BCL11A: variants seen among roughly 807,000 people sequenced by gnomAD.
BCL11A encodes BCL11 transcription factor A.
Under a neutral mutation model 55.9 loss-of-function variants are expected in BCL11A, and 2 were observed. The ratio of observed to expected loss-of-function variants is 0.04; its 90% CI spans 0.01 to 0.11. The LOEUF (loss-of-function observed/expected upper bound fraction) is 0.11. BCL11A is among the 10% of genes least tolerant of loss of function. The pLI is 1.00. For synonymous variants in BCL11A, 465 were observed against 473.4 expected (o/e 0.98, Z 0.23); for missense variants, 817 against 1,137.1 (o/e 0.72, Z 4.05).
At chr2:60,453,659 A>ACC (rs1376094043), downstream of BCL11A, among the ~76,000 whole-genome samples, 7 of 152,202 alleles carry the variant, frequency 4.6e-5, no homozygotes, top group Admixed American at 4.6e-4. Context: ...CCCCAATCAA[A>ACC]CCCTTTCGTC....
chr2:60,492,268 G>A (rs1678681974), intron 2 of BCL11A, among the ~76,000 whole-genome samples: 1 of 152,194 alleles, frequency 6.6e-6, no homozygotes, highest in African/African-American at 2.4e-5. Context: ...TCAGGAGGCT[G>A]AGGTGACAGG....
chr2:60,472,486 G>C (rs1452157240), intron 2 of BCL11A, among the ~76,000 whole-genome samples: 1 of 152,166 alleles, frequency 6.6e-6, no homozygotes, highest in East Asian at 1.9e-4. Flanking sequence ...CCTCAGAAAT[G>C]CCTTACACAT....
rs1037743320 is a variant in BCL11A at position 60,458,951 on chromosome 2, C to T, written c.*1453G>A. ...TGTATGGAAAAGAAATGAAGTACAA[C>T]TTTTAGGGAGCACAGACATATATAC... On this transcript the variant is annotated 3_prime_UTR_variant, in exon 4 of 4. Transcript: ENST00000642384. 4 of 1,033,740 alleles carry T rather than the reference C, an allele frequency of 3.9e-6. No homozygotes were observed. The highest frequency in any genetic ancestry group is 4.5e-4 in the Middle Eastern group (1 of 2,236). 64.0% of individuals were successfully genotyped at this position (1,033,740 alleles called of 1,614,324 possible).
At chr2:60,467,642 A>G (rs1000578027) in intron 3 of BCL11A, among the ~76,000 whole-genome samples, 30 of 33,194 alleles carry the variant, frequency 9.0e-4, no homozygotes, top group African/African-American at 1.1e-3. Flanking sequence ...GGTGGTGGTG[A>G]TGGTGGTGAT....
intron 2 of BCL11A, chr2:60,536,798 T>C (rs1669687861): frequency 6.6e-6 from 1 of 152,194 alleles, no homozygotes; most frequent in Admixed American, 6.5e-5. Flanking sequence ...ATATAGCAAT[T>C]AACTTCTGGT....
intron 2 of BCL11A, among the ~76,000 whole-genome samples, chr2:60,486,883 C>CGCCCTTTCATGTATTT (rs1678310010): frequency 1.3e-5 from 2 of 152,194 alleles, no homozygotes; most frequent in African/African-American, 4.8e-5. Flanking sequence ...GCTCAGCCCA[C>CGCCCTTTCATGTATTT]GCCCTTTCAT....
chr2:60,501,090 A>G (rs1679252905), intron 2 of BCL11A, among the ~76,000 whole-genome samples: 1 of 152,246 alleles, frequency 6.6e-6, no homozygotes, highest in South Asian at 2.1e-4. Flanking sequence ...CCCACATGAG[A>G]CATCTTTGGC....
At chr2:60,553,838 G>C (rs1002558044), upstream of BCL11A, 1 of 147,300 alleles carries the variant, frequency 6.8e-6, no homozygotes, top group Non-Finnish European at 1.5e-5. Context: ...CCGGGGGAGG[G>C]GCGGGCCGAG....
rs751008889 is a variant in BCL11A, at chr2:60,546,646, C to T, written c.56-346G>A. Among the ~76,000 whole-genome samples the T allele has an allele frequency of 1.4e-4, 21 of 151,886 alleles. No individual in the cohort carries two copies. The highest frequency in any genetic ancestry group is 7.4e-5 in the Non-Finnish European group (5 of 67,980). ...AAGAATGCTACTTAAATAGTTAACACAGGGAACATAAAGAAAGCTTAAATA... is the reference window on the plus strand; with the variant it reads ...AAGAATGCTACTTAAATAGTTAACATAGGGAACATAAAGAAAGCTTAAATA... On this transcript the variant is annotated intron_variant, in intron 1 of 3. Coordinates refer to ENST00000642384, the MANE Select transcript of BCL11A (RefSeq NM_022893.4). The surrounding 1 kb of genome is among the most constrained non-coding windows in gnomAD (Gnocchi z 4.1).
chr2:60,467,980 GATGGTGGTGGTA>G (rs1418041200), intron 3 of BCL11A, among the ~76,000 whole-genome samples: 1 of 140,908 alleles, frequency 7.1e-6, no homozygotes, highest in African/African-American at 2.7e-5. Flanking sequence ...TGGTGGTAGT[GATGGTGGTGGTA>G]ATGGTGGTGG....
chr2:60,461,028 C>A lies in BCL11A; in HGVS notation c.1884G>T (p.Ser628=). 3 of 1,607,336 alleles carry A rather than the reference C, an allele frequency of 1.9e-6. No individual in the cohort carries two copies. The highest frequency in any genetic ancestry group is 2.6e-6 in the Non-Finnish European group (3 of 1,176,196). ...TGATGCGCTTAGAGAAGGGGCTCAGCGAGCTGGGGCTGCCCAGCAGCAGCT... is the reference window on the plus strand; with the variant it reads ...TGATGCGCTTAGAGAAGGGGCTCAGAGAGCTGGGGCTGCCCAGCAGCAGCT... ...SKKLLLGSPS[S]LSPFSKRIKL... Residue 628 remains serine, a synonymous_variant, in exon 4 of 4, where the codon TCG becomes TCT. Transcript: ENST00000642384.
At chr2:60,519,291 A>C (rs1668868971) in intron 2 of BCL11A, among the ~76,000 whole-genome samples, 1 of 152,210 alleles carries the variant, frequency 6.6e-6, no homozygotes, top group Non-Finnish European at 1.5e-5. Flanking sequence ...TATAACCTCC[A>C]TATTGAGAGA....
intron 3 of BCL11A, among the ~76,000 whole-genome samples, chr2:60,467,969 G>A (rs374357625): frequency 3.4e-4 from 13 of 37,810 alleles, no homozygotes; most frequent in Admixed American, 4.1e-4. Context: ...GGTGATGGTG[G>A]TGGTGGTAGT....
chr2:60,459,633 TAACAAGTAGA>T lies in BCL11A; in HGVS notation c.*761_*770del, dbSNP rs1283003239. ...AATGCTGAATTAAGCTACAAGTTTA[TAACAAGTAGA>T]AAGAACCATCGATGTGGTTTTAATA... On this transcript the variant is annotated 3_prime_UTR_variant, in exon 4 of 4. Coordinates refer to ENST00000642384, the MANE Select transcript of BCL11A (RefSeq NM_022893.4). 3 of 1,031,304 alleles carry T rather than the reference TAACAAGTAGA, an allele frequency of 2.9e-6. No individual in the cohort carries two copies. In the Admixed American group the frequency reaches 1.7e-4, roughly 59 times the overall value. The allele number at this position is 1,031,304 out of a possible 1,614,324, so 63.9% of individuals were successfully genotyped here.
At chr2:60,471,886 G>A (rs1157812886) in intron 2 of BCL11A, among the ~76,000 whole-genome samples, 1 of 152,164 alleles carries the variant, frequency 6.6e-6, no homozygotes, top group Non-Finnish European at 1.5e-5. Flanking sequence ...TGAGGGTGGG[G>A]AAGCAGCCTT....
intron 2 of BCL11A, chr2:60,528,332 A>G (rs1669299044): frequency 6.6e-6 from 1 of 152,528 alleles, no homozygotes; most frequent in East Asian, 1.9e-4. Context: ...CAGTCTCCTG[A>G]CCAAGCCACA....
chr2:60,513,612 C>T (rs1051526878), intron 2 of BCL11A, among the ~76,000 whole-genome samples: 2 of 152,190 alleles, frequency 1.3e-5, no homozygotes, highest in African/African-American at 4.8e-5. Context: ...CTTCCAAGGG[C>T]CTGCTGCCTA....
intron 2 of BCL11A, among the ~76,000 whole-genome samples, chr2:60,481,352 AACATTCAGAACCC>A (rs1677946439): frequency 1.3e-5 from 2 of 152,044 alleles, no homozygotes; most frequent in Non-Finnish European, 2.9e-5. Flanking sequence ...GAAAAGTAAA[AACATTCAGAACCC>A]AGGGCCTTCT....
At chr2:60,491,427 C>G (rs1030010932) in intron 2 of BCL11A, among the ~76,000 whole-genome samples, 1 of 152,110 alleles carries the variant, frequency 6.6e-6, no homozygotes, top group East Asian at 1.9e-4. Flanking sequence ...AATCCCAGCA[C>G]TTTGGGAGGC....
Sources: allele counts gnomAD v4.1 joint callset (sites outside exome capture counted in the v4.1 genomes callset), GRCh38; gene constraint gnomAD v4.1.1; non-coding constraint Gnocchi (gnomAD v3.1); transcripts MANE v1.5; gene names NCBI Gene and HGNC (gene_info 2026-07-23, HGNC 2026-07-21).